The following MYO3B variants were observed in gnomAD, a reference collection of about 807,000 sequenced individuals.
The protein encoded by MYO3B is myosin-IIIb.
Under a neutral mutation model 174.6 loss-of-function variants are expected in MYO3B, and 156 were observed. The ratio of observed to expected loss-of-function variants is 0.89; its 90% CI spans 0.78 to 1.02. The LOEUF (loss-of-function observed/expected upper bound fraction) is 1.02, where lower values mean the gene tolerates loss of function less well. MYO3B is among the 50% of genes least tolerant of loss of function. The pLI is 0.00. For synonymous variants in MYO3B, 563 were observed against 569.1 expected, an observed-to-expected ratio of 0.99 and a Z score of 0.15; for missense variants, 1,632 against 1,639.4, an observed-to-expected ratio of 1.00 and a Z score of 0.08.
chr2:170,623,299 T>G (rs1480839170), intron 32 of MYO3B, among the ~76,000 whole-genome samples: 12 of 152,248 alleles, frequency 7.9e-5, no homozygotes, highest in Non-Finnish European at 1.8e-4. Context: ...ACTGTGGTTT[T>G]GATTTGCATT....
chr2:170,255,043 G>T (rs2093292268), intron 7 of MYO3B, among the ~76,000 whole-genome samples: 1 of 152,190 alleles, frequency 6.6e-6, no homozygotes, highest in Admixed American at 6.5e-5. Context: ...TGCCACACCA[G>T]CTGCACACCC....
chr2:170,548,977 CT>C (rs1171939217), intron 32 of MYO3B, among the ~76,000 whole-genome samples: 1 of 152,052 alleles, frequency 6.6e-6, no homozygotes, highest in African/African-American at 2.4e-5. Flanking sequence ...TTGCTATGGT[CT>C]AAAAAACAGG....
intron 8 of MYO3B, among the ~76,000 whole-genome samples, chr2:170,353,557 A>G (rs2094094867): frequency 6.6e-6 from 1 of 152,188 alleles, no homozygotes; most frequent in Non-Finnish European, 1.5e-5. Flanking sequence ...AATGTAAACC[A>G]TGGACTCTGG....
chr2:170,492,058 A>G (rs1686522544), intron 25 of MYO3B, among the ~76,000 whole-genome samples: 1 of 152,050 alleles, frequency 6.6e-6, no homozygotes, highest in East Asian at 1.9e-4. Flanking sequence ...CGTCTCAAAA[A>G]AAAAAAAAAA....
At chr2:170,194,754 T>C (rs2092580154) in intron 1 of MYO3B, among the ~76,000 whole-genome samples, 1 of 152,144 alleles carries the variant, frequency 6.6e-6, no homozygotes, top group South Asian at 2.1e-4. Flanking sequence ...TAAAGCCATC[T>C]GCAAGTTGAG....
At chr2:170,312,264 G>GA (rs1389910620) in intron 7 of MYO3B, among the ~76,000 whole-genome samples, 4 of 152,222 alleles carry the variant, frequency 2.6e-5, no homozygotes, top group Admixed American at 2.0e-4. Flanking sequence ...ACTGGTCTGG[G>GA]ACAGGGTAAA....
At chr2:170,407,969 A>G in intron 22 of MYO3B, 125 bp downstream of exon 22, 11 of 1,194,720 alleles carry the variant, frequency 9.2e-6, no homozygotes, top group Non-Finnish European at 1.3e-5. Context: ...AAGCAGGAGT[A>G]AGGGTCTAAA....
chr2:170,517,963 G>A (rs1688425774), intron 29 of MYO3B, among the ~76,000 whole-genome samples: 4 of 151,004 alleles, frequency 2.6e-5, no homozygotes, highest in Admixed American at 2.0e-4. Context: ...TTTCAATATT[G>A]TTGTTTCACT....
At chr2:170,342,344 C>G (rs987240803) in intron 8 of MYO3B, 1 of 152,146 alleles carries the variant, frequency 6.6e-6, no homozygotes, top group African/African-American at 2.4e-5. Flanking sequence ...CAAAAAGACT[C>G]TGTAATTGAA....
At chr2:170,515,764 C>A (rs1688266895) in intron 29 of MYO3B, among the ~76,000 whole-genome samples, 2 of 152,100 alleles carry the variant, frequency 1.3e-5, no homozygotes, top group Non-Finnish European at 2.9e-5. Flanking sequence ...GCCCCAGCGC[C>A]ACTGCCCAGT....
chr2:170,209,500 T>C (rs139107643), intron 3 of MYO3B, among the ~76,000 whole-genome samples: 149 of 152,344 alleles, frequency 9.8e-4, no homozygotes, highest in African/African-American at 3.3e-3. Context: ...ATGAGTCCTG[T>C]ACATTTTTCC....
intron 8 of MYO3B, among the ~76,000 whole-genome samples, chr2:170,358,244 A>C (rs1229987423): frequency 2.0e-5 from 3 of 152,204 alleles, no homozygotes; most frequent in Admixed American, 1.3e-4. Flanking sequence ...CCATATAATG[A>C]AACATTATTT....
chr2:170,291,713 G>T (rs372044882), intron 7 of MYO3B, among the ~76,000 whole-genome samples: 1 of 150,056 alleles, frequency 6.7e-6, no homozygotes, highest in Admixed American at 6.6e-5. Context: ...TGGATGACAG[G>T]TTTTTTTTAT....
At chr2:170,534,940 A>G (rs1689591638) in intron 30 of MYO3B, among the ~76,000 whole-genome samples, 1 of 152,216 alleles carries the variant, frequency 6.6e-6, no homozygotes, top group South Asian at 2.1e-4. Flanking sequence ...AACCGTATTC[A>G]GGGATATCAA....
At chr2:170,343,059 A>G (rs1163177174) in intron 8 of MYO3B, among the ~76,000 whole-genome samples, 2 of 143,756 alleles carry the variant, frequency 1.4e-5, no homozygotes, top group Non-Finnish European at 3.0e-5. Context: ...ACACACACAC[A>G]CACACACACA....
intron 1 of MYO3B, among the ~76,000 whole-genome samples, chr2:170,181,629 G>A (rs1559278971): frequency 1.3e-5 from 2 of 151,982 alleles, no homozygotes; most frequent in Admixed American, 6.6e-5. Context: ...AGAGATTTTT[G>A]TTGTTGTTTT....
intron 7 of MYO3B, among the ~76,000 whole-genome samples, chr2:170,320,594 G>A (rs1369701621): frequency 6.6e-6 from 1 of 151,978 alleles, no homozygotes; most frequent in Non-Finnish European, 1.5e-5. Context: ...CAAGGACAGG[G>A]CTTGAGATAT....
intron 32 of MYO3B, among the ~76,000 whole-genome samples, chr2:170,611,754 T>A (rs538104010): frequency 6.6e-6 from 1 of 152,178 alleles, no homozygotes; most frequent in Non-Finnish European, 1.5e-5. Context: ...CTATACACCA[T>A]CTCTTTTTCA....
intron 7 of MYO3B, among the ~76,000 whole-genome samples, chr2:170,277,877 GA>G (rs141833617): frequency 0.013 from 1,923 of 152,228 alleles, 42 homozygotes; most frequent in African/African-American, 0.044. Context: ...CATTTAAGGG[GA>G]TATGTATTTT....
Sources: allele counts gnomAD v4.1 joint callset (sites outside exome capture counted in the v4.1 genomes callset), GRCh38; gene constraint gnomAD v4.1.1; transcripts MANE v1.5; gene names NCBI Gene and HGNC (gene_info 2026-07-23, HGNC 2026-07-21).